GPATCH2: variants seen among roughly 807,000 people sequenced by gnomAD.
The protein encoded by GPATCH2 is G-patch domain containing 2, also known as G patch domain-containing protein 2.
GPATCH2 carries 51 observed loss-of-function variants against 58.0 expected under a neutral mutation model. That is an observed-to-expected ratio of 0.88 (90% CI 0.70 to 1.11). GPATCH2 has a LOEUF of 1.11. GPATCH2 is among the 50% of genes most tolerant of loss of function. GPATCH2 has a pLI of 0.00. For missense variants in GPATCH2, 625 were observed against 652.2 expected, an observed-to-expected ratio of 0.96 and a Z score of 0.45; for synonymous variants, 222 against 218.5, an observed-to-expected ratio of 1.02 and a Z score of -0.14.
At position 217,430,071 on chromosome 1, in the gene GPATCH2, A is replaced by C. The variant is rs1040552134; in HGVS notation, c.*1074T>G. 1 of 152,182 alleles carries C rather than the reference A, an allele frequency of 6.6e-6. No homozygotes were observed. The highest frequency in any genetic ancestry group is 1.5e-5 in the Non-Finnish European group (1 of 68,014). 9.4% of individuals were successfully genotyped at this position (152,182 alleles called of 1,614,324 possible). A position where few individuals can be genotyped will look rare whatever the true frequency, so the allele number is the denominator to read the frequency against. On this transcript the variant is annotated 3_prime_UTR_variant, in exon 10 of 10. Coordinates refer to ENST00000366935, the MANE Select transcript of GPATCH2 (RefSeq NM_018040.5). ...ATACTATGAAGCAAATGACTCAGAA[A>C]CAGCTCAATACTAGGCACGTAATAC...
chr1:217,568,206 C>T lies in GPATCH2; in HGVS notation c.1098+42115G>A, dbSNP rs1254390324. On this transcript the variant is annotated intron_variant, in intron 5 of 9. Coordinates refer to ENST00000366935, the MANE Select transcript of GPATCH2 (RefSeq NM_018040.5). ...ACCTAAACAAAGAAAATATTTATAT[C>T]TACATGATGAAATATTATGCAACCA... is the stretch of plus-strand genomic sequence containing the variant. Among the ~76,000 whole-genome samples, 4 of 152,174 alleles carry T rather than the reference C, an allele frequency of 2.6e-5. No homozygotes were observed. In the East Asian group the frequency reaches 5.8e-4, roughly 22 times the overall value.
At chr1:217,605,256 T>G (rs1254651899) in intron 5 of GPATCH2, among the ~76,000 whole-genome samples, 1 of 152,208 alleles carries the variant, frequency 6.6e-6, no homozygotes, top group Non-Finnish European at 1.5e-5. Context: ...TGACTCAAGA[T>G]TCTAAACAGA....
At chr1:217,519,968 GT>G (rs1186555878) in intron 5 of GPATCH2, among the ~76,000 whole-genome samples, 2 of 151,974 alleles carry the variant, frequency 1.3e-5, no homozygotes, top group Admixed American at 1.3e-4. Context: ...AATTCCAAGG[GT>G]TTTTTTGATT....
chr1:217,551,104 G>A (rs529963694), intron 5 of GPATCH2, among the ~76,000 whole-genome samples: 1 of 150,108 alleles, frequency 6.7e-6, no homozygotes, highest in Admixed American at 6.6e-5. Flanking sequence ...AATATAACAA[G>A]AATTCTTCAG....
intron 5 of GPATCH2, among the ~76,000 whole-genome samples, chr1:217,544,251 G>A (rs1039629951): frequency 7.9e-5 from 12 of 152,068 alleles, no homozygotes; most frequent in African/African-American, 2.7e-4. Flanking sequence ...AAAATTAGCC[G>A]GATGTGGTGG....
At chr1:217,548,188 T>C (rs992568366) in intron 5 of GPATCH2, among the ~76,000 whole-genome samples, 1 of 152,054 alleles carries the variant, frequency 6.6e-6, no homozygotes, top group Non-Finnish European at 1.5e-5. Context: ...ATGTTCTCAC[T>C]TATAAGTGGG....
chr1:217,579,726 T>C (rs1438267237), intron 5 of GPATCH2, among the ~76,000 whole-genome samples: 1 of 152,090 alleles, frequency 6.6e-6, no homozygotes, highest in African/African-American at 2.4e-5. Context: ...ACTAGACAAA[T>C]GGATTTTCAT....
At chr1:217,623,091 A>T (rs1669277565) in intron 1 of GPATCH2, among the ~76,000 whole-genome samples, 1 of 152,212 alleles carries the variant, frequency 6.6e-6, no homozygotes, top group African/African-American at 2.4e-5. Flanking sequence ...TGAATATAAT[A>T]TTGCACCTTA....
intron 8 of GPATCH2, among the ~76,000 whole-genome samples, chr1:217,452,194 G>A (rs1659698961): frequency 6.6e-6 from 1 of 152,096 alleles, no homozygotes; most frequent in South Asian, 2.1e-4. Context: ...AGACCAACTA[G>A]GTTTGCCATA....
intron 5 of GPATCH2, among the ~76,000 whole-genome samples, chr1:217,532,134 C>T (rs1177371216): frequency 6.6e-6 from 1 of 152,204 alleles, no homozygotes; most frequent in Non-Finnish European, 1.5e-5. Flanking sequence ...CTGTGAGCAA[C>T]TCCAAGTGCA....
chr1:217,564,082 T>C (rs1454987130), intron 5 of GPATCH2, among the ~76,000 whole-genome samples: 1 of 119,784 alleles, frequency 8.3e-6, no homozygotes, highest in African/African-American at 3.1e-5. Flanking sequence ...GAAGTATGTA[T>C]AAAAACGATA....
At chr1:217,561,312 C>A (rs934577120) in intron 5 of GPATCH2, among the ~76,000 whole-genome samples, 1 of 152,282 alleles carries the variant, frequency 6.6e-6, no homozygotes, top group South Asian at 2.1e-4. Flanking sequence ...GCTTTGCTGA[C>A]AGGAGGAGCT....
chr1:217,575,980 A>G (rs1490569157), intron 5 of GPATCH2, among the ~76,000 whole-genome samples: 2 of 152,154 alleles, frequency 1.3e-5, no homozygotes, highest in Non-Finnish European at 2.9e-5. Flanking sequence ...GGGTCCTTTT[A>G]TATACAGAAA....
intron 5 of GPATCH2, among the ~76,000 whole-genome samples, chr1:217,523,625 TC>T (rs1200796001): frequency 7.3e-5 from 11 of 151,302 alleles, no homozygotes. Flanking sequence ...TCCCCACCTT[TC>T]CCCCCTTTCT....
intron 8 of GPATCH2, among the ~76,000 whole-genome samples, chr1:217,484,615 A>G (rs890445621): frequency 4.0e-5 from 6 of 148,712 alleles, no homozygotes; most frequent in Admixed American, 1.3e-4. Context: ...ATGTATACAC[A>G]TACACATGCA....
intron 5 of GPATCH2, among the ~76,000 whole-genome samples, chr1:217,584,344 A>AAAAAAAAAAAAAAAAAAATATATAT (rs1463910405): frequency 9.8e-6 from 1 of 101,858 alleles, no homozygotes; most frequent in Non-Finnish European, 2.0e-5. Context: ...AAAAAAAAAA[A>AAAAAAAAAAAAAAAAAAATATATAT]ATATATATAT....
At chr1:217,434,980 T>A (rs1432150476) in intron 9 of GPATCH2, among the ~76,000 whole-genome samples, 2 of 152,144 alleles carry the variant, frequency 1.3e-5, no homozygotes, top group Non-Finnish European at 2.9e-5. Flanking sequence ...AAATGCTAAA[T>A]CTTTCCTCAT....
intron 5 of GPATCH2, among the ~76,000 whole-genome samples, chr1:217,529,026 A>G (rs1293140109): frequency 6.6e-6 from 1 of 152,168 alleles, no homozygotes; most frequent in Non-Finnish European, 1.5e-5. Flanking sequence ...CAAGGCAAAG[A>G]ACAGTGATTG....
At chr1:217,597,779 C>A (rs938984185) in intron 5 of GPATCH2, among the ~76,000 whole-genome samples, 1 of 152,134 alleles carries the variant, frequency 6.6e-6, no homozygotes, top group Admixed American at 6.5e-5. Context: ...GGCTAGTGGA[C>A]TCCATTCTAT....
Sources: allele counts gnomAD v4.1 joint callset (sites outside exome capture counted in the v4.1 genomes callset), GRCh38; gene constraint gnomAD v4.1.1; transcripts MANE v1.5; gene names NCBI Gene and HGNC (gene_info 2026-07-23, HGNC 2026-07-21).